AOPEP: variants seen among roughly 807,000 people sequenced by gnomAD.
The protein encoded by AOPEP is aminopeptidase O.
A neutral mutation model predicts 98.1 loss-of-function variants in AOPEP; 77 were observed. The observed-to-expected ratio is 0.78, with a 90% CI of 0.65 to 0.95. The LOEUF is 0.95. Among genes scored for constraint, AOPEP ranks in the 40% least tolerant of loss-of-function variants. The probability of loss-of-function intolerance (pLI) is 0.00; values close to 1 mark genes in which losing one functional copy is unlikely to be tolerated. For synonymous variants in AOPEP, 346 were observed against 365.3 expected (o/e 0.95, Z 0.60); for missense variants, 1,024 against 1,024.7 (o/e 1.00, Z 0.01).
intron 13 of AOPEP, among the ~76,000 whole-genome samples, chr9:95,007,994 A>G (rs1391158724): frequency 2.0e-5 from 3 of 152,206 alleles, no homozygotes; most frequent in Non-Finnish European, 4.4e-5. Context: ...GAAGCAGATT[A>G]TTCAATTTCT....
At chr9:95,040,370 C>T (rs1564559337) in intron 13 of AOPEP, among the ~76,000 whole-genome samples, 1 of 152,254 alleles carries the variant, frequency 6.6e-6, no homozygotes, top group Non-Finnish European at 1.5e-5. Context: ...GGAAGAAAGG[C>T]TGTGTCCCAC....
At chr9:95,072,394 A>G (rs2068601651) in intron 14 of AOPEP, among the ~76,000 whole-genome samples, 1 of 152,174 alleles carries the variant, frequency 6.6e-6, no homozygotes, top group Non-Finnish European at 1.5e-5. Context: ...GGCCAGGCTT[A>G]TGTTTGTAAT....
intron 13 of AOPEP, among the ~76,000 whole-genome samples, chr9:95,012,315 C>T (rs2062592649): frequency 6.6e-6 from 1 of 152,154 alleles, no homozygotes; most frequent in Admixed American, 6.5e-5. Context: ...CTGATAATTA[C>T]ACTACTATTG....
chr9:94,994,036 C>T (rs1341430230), intron 11 of AOPEP, among the ~76,000 whole-genome samples: 2 of 152,162 alleles, frequency 1.3e-5, no homozygotes, highest in African/African-American at 2.4e-5. Context: ...CTTCTTCTCC[C>T]GAGCCACGCA....
At chr9:95,044,168 A>G (rs371674878) in intron 13 of AOPEP, among the ~76,000 whole-genome samples, 1 of 152,220 alleles carries the variant, frequency 6.6e-6, no homozygotes, top group African/African-American at 2.4e-5. Flanking sequence ...AACAGATAAG[A>G]CATTTACCTG....
chr9:94,780,336 C>T (rs986897043), intron 3 of AOPEP, among the ~76,000 whole-genome samples: 3 of 152,104 alleles, frequency 2.0e-5, no homozygotes, highest in Non-Finnish European at 2.9e-5. Flanking sequence ...TTTATAACCC[C>T]AGGAATATAT....
At chr9:95,117,723 ATTTTTT>A in the AOPEP span, among the ~76,000 whole-genome samples, 3 of 136,822 alleles carry the variant, frequency 2.2e-5, no homozygotes, top group East Asian at 4.3e-4. Context: ...GTATTTCAGC[ATTTTTT>A]TTTTTTTTTT....
intron 1 of AOPEP, among the ~76,000 whole-genome samples, chr9:94,739,174 A>T (rs1832493109): frequency 6.6e-6 from 1 of 152,026 alleles, no homozygotes; most frequent in Non-Finnish European, 1.5e-5. Context: ...ATCTCCTGGA[A>T]TTCTGTATTT....
At chr9:95,150,019 T>A in the AOPEP span, 3 of 1,613,934 alleles carry the variant, frequency 1.9e-6, no homozygotes, top group Non-Finnish European at 2.5e-6. Flanking sequence ...CACCAGGGGG[T>A]CAACATCTGT....
At chr9:94,793,677 GA>G (rs769861190) in intron 4 of AOPEP, among the ~76,000 whole-genome samples, 257 of 127,176 alleles carry the variant, frequency 2.0e-3, no homozygotes, top group Middle Eastern at 4.2e-3. Flanking sequence ...CTCTGTCTTG[GA>G]AAAAAAAAAA....
chr9:94,742,409 G>A (rs1174348704), intron 1 of AOPEP, among the ~76,000 whole-genome samples: 11 of 151,688 alleles, frequency 7.3e-5, no homozygotes, highest in Non-Finnish European at 1.6e-4. Context: ...GAAATAGAGG[G>A]TACTCATTTA....
chr9:94,729,621 GTC>G (rs925021294), intron 1 of AOPEP, among the ~76,000 whole-genome samples: 1 of 151,792 alleles, frequency 6.6e-6, no homozygotes, highest in African/African-American at 2.4e-5. Context: ...AGAGCAGGGA[GTC>G]TCTACTTCTG....
At chr9:95,071,359 T>G (rs926175582) in intron 14 of AOPEP, among the ~76,000 whole-genome samples, 1 of 146,216 alleles carries the variant, frequency 6.8e-6, no homozygotes. Flanking sequence ...TTTGGGATGC[T>G]GAATATATAT....
the AOPEP span, among the ~76,000 whole-genome samples, chr9:95,133,015 C>T: frequency 6.6e-6 from 1 of 152,198 alleles, no homozygotes; most frequent in Non-Finnish European, 1.5e-5. Flanking sequence ...ATCAGGTTTC[C>T]TCTGGAGCAC....
intron 1 of AOPEP, among the ~76,000 whole-genome samples, chr9:94,743,194 GAAGAAGAGGAAGAAGAGGAAGAAGAGGAA>G: frequency 2.3e-5 from 1 of 42,590 alleles, no homozygotes; most frequent in African/African-American, 8.8e-5. Context: ...AGAAGAAGAA[GAAGAAGAGGAAGAAGAGGAAGAAGAGGAA>G]GAAGAAGAGG....
chr9:94,837,680 G>A (rs999895962), intron 5 of AOPEP, among the ~76,000 whole-genome samples: 1 of 152,188 alleles, frequency 6.6e-6, no homozygotes, highest in Non-Finnish European at 1.5e-5. Context: ...CTCAATAGAT[G>A]CAGAATAAGC....
the AOPEP span, among the ~76,000 whole-genome samples, chr9:95,133,253 C>G: frequency 1.3e-5 from 2 of 152,248 alleles, no homozygotes; most frequent in Non-Finnish European, 2.9e-5. Context: ...ACAGCCCACA[C>G]CAATCAGGGG....
intron 11 of AOPEP, among the ~76,000 whole-genome samples, chr9:94,981,056 G>C (rs1195246411): frequency 6.6e-6 from 1 of 152,212 alleles, no homozygotes; most frequent in African/African-American, 2.4e-5. Flanking sequence ...GAAGGCTGCT[G>C]TTTGCAGCCA....
At chr9:94,788,111 C>T (rs1844834597) in intron 3 of AOPEP, among the ~76,000 whole-genome samples, 1 of 152,058 alleles carries the variant, frequency 6.6e-6, no homozygotes, top group Non-Finnish European at 1.5e-5. Context: ...TCCTCTGTCG[C>T]CCAGGCTGGA....
Sources: allele counts gnomAD v4.1 joint callset (sites outside exome capture counted in the v4.1 genomes callset), GRCh38; gene constraint gnomAD v4.1.1; transcripts MANE v1.5; gene names NCBI Gene and HGNC (gene_info 2026-07-23, HGNC 2026-07-21).